RGSL1: variants seen among roughly 807,000 people sequenced by gnomAD.
RGSL1 encodes regulator of G protein signaling protein-like.
Under a neutral mutation model 124.7 loss-of-function variants are expected in RGSL1, and 97 were observed. The observed-to-expected ratio is 0.78, with a 90% CI of 0.66 to 0.92. The LOEUF (loss-of-function observed/expected upper bound fraction) is 0.92. Among genes scored for constraint, RGSL1 ranks in the 40% least tolerant of loss-of-function variants. RGSL1 has a pLI of 0.00. For missense variants in RGSL1, 1,233 were observed against 1,288.4 expected, an observed-to-expected ratio of 0.96 and a Z score of 0.66; for synonymous variants, 424 against 438.1, an observed-to-expected ratio of 0.97 and a Z score of 0.40.
chr1:182,489,002 C>G lies in RGSL1; in HGVS notation c.1517C>G (p.Ser506Cys). 1 of 1,550,950 alleles carries G rather than the reference C, an allele frequency of 6.4e-7. No individual in the cohort carries two copies. Among genetic ancestry groups the G allele is most frequent in the Non-Finnish European group, 8.7e-7 (1 of 1,146,984 alleles). ...LFTTQNRFIS[S>C]RQHKREFIGK... ...TAGACACAGAACAGGTTCATCAGCT[C>G]CAGACAGCATAAAAGAGAATTTATA... Residue 506 changes from serine to cysteine, a missense_variant, in exon 8 of 22, where the codon TCC becomes TGC. By Grantham distance (112) the Ser-to-Cys change is moderately radical (BLOSUM62 -1). Coordinates refer to ENST00000294854, the MANE Select transcript of RGSL1 (RefSeq NM_001137669.2).
chr1:182,498,166 CTCT>C (rs926340603), intron 9 of RGSL1, among the ~76,000 whole-genome samples: 3 of 151,962 alleles, frequency 2.0e-5, no homozygotes, highest in Non-Finnish European at 4.4e-5. Flanking sequence ...TTTATATGAA[CTCT>C]TTTTTTTATT....
chr1:182,489,935 T>A (rs1005941741), intron 8 of RGSL1, among the ~76,000 whole-genome samples: 1 of 152,210 alleles, frequency 6.6e-6, no homozygotes, highest in Non-Finnish European at 1.5e-5. Context: ...GCTTTAATTA[T>A]CTATGTTGAG....
chr1:182,467,845 A>G (rs1418421597), intron 4 of RGSL1, among the ~76,000 whole-genome samples: 1 of 152,238 alleles, frequency 6.6e-6, no homozygotes, highest in Non-Finnish European at 1.5e-5. Context: ...ACGGAATGGA[A>G]GAAAATTTTT....
chr1:182,554,487 G>C (rs981219753), intron 19 of RGSL1, 140 bp from the exon 20 acceptor site: 1 of 691,378 alleles, frequency 1.4e-6, no homozygotes, highest in Non-Finnish European at 2.6e-6. Flanking sequence ...GAACAGGCCT[G>C]CTTTACCTTC....
intron 9 of RGSL1, among the ~76,000 whole-genome samples, chr1:182,515,601 C>A (rs902118358): frequency 6.6e-6 from 1 of 150,842 alleles, no homozygotes; most frequent in Non-Finnish European, 1.5e-5. Context: ...TTGCTTTGAG[C>A]AAATGGGTTC....
intron 6 of RGSL1, among the ~76,000 whole-genome samples, chr1:182,476,237 G>C (rs1319648743): frequency 6.6e-6 from 1 of 152,196 alleles, no homozygotes; most frequent in African/African-American, 2.4e-5. Context: ...TTACGACAGA[G>C]ATTCAGACTG....
chr1:182,480,360 G>A lies in RGSL1; in HGVS notation c.1431+5818G>A, dbSNP rs151326151. ...GTAGGAGGATCACTTAAGCCCAGGAGTTCAAGGTTACAGTGACCTGTGATC... is the reference window on the plus strand; with the variant it reads ...GTAGGAGGATCACTTAAGCCCAGGAATTCAAGGTTACAGTGACCTGTGATC... On this transcript the variant is annotated intron_variant, in intron 6 of 21. Transcript: ENST00000294854. Among the ~76,000 whole-genome samples the A allele has an allele frequency of 5.3e-5, 8 of 152,208 alleles. No individual in the cohort carries two copies. The East Asian group carries it at 1.2e-3, about 22-fold the overall frequency.
chr1:182,459,093 G>T (rs1652590546), intron 3 of RGSL1, among the ~76,000 whole-genome samples: 1 of 152,108 alleles, frequency 6.6e-6, no homozygotes, highest in South Asian at 2.1e-4. Flanking sequence ...GTCTGCAATG[G>T]GTGTGGGATG....
intron 15 of RGSL1, 124 bp from the exon 16 acceptor site, chr1:182,548,193 G>C (rs536557892): frequency 3.1e-6 from 3 of 969,688 alleles, no homozygotes; most frequent in Non-Finnish European, 3.1e-6. Context: ...AATGAATAAA[G>C]TCACAACCTG....
At chr1:182,509,109 A>G (rs1657089745) in intron 9 of RGSL1, among the ~76,000 whole-genome samples, 1 of 58,588 alleles carries the variant, frequency 1.7e-5, no homozygotes, top group African/African-American at 6.2e-5. Context: ...CACGGCAACC[A>G]TCCGATTTCT....
intron 9 of RGSL1, among the ~76,000 whole-genome samples, chr1:182,520,543 G>A (rs973638447): frequency 6.6e-6 from 1 of 152,056 alleles, no homozygotes; most frequent in African/African-American, 2.4e-5. Context: ...GTTATAAACT[G>A]ACATTCCTGG....
rs747268917 is a variant in RGSL1, at chr1:182,460,017, A to G, written c.185A>G (p.Lys62Arg). The G allele has an allele frequency of 6.4e-7, 1 of 1,551,416 alleles. No individual in the cohort carries two copies. Among genetic ancestry groups the G allele is most frequent in the South Asian group, 1.2e-5 (1 of 83,990 alleles). ...CTTTGACTCTAGATTGCCAAATACA[A>G]AGGGTTATTGACCTGGTTGGAAAAA... ...EIPCNLIAKY[K>R]GLLTWLEKCR... Residue 62 changes from lysine to arginine, a missense_variant, in exon 4 of 22, where the codon AAA becomes AGA. Physicochemically the swap from Lys to Arg is conservative, Grantham distance 26. Coordinates refer to ENST00000294854, the MANE Select transcript of RGSL1 (RefSeq NM_001137669.2).
intron 9 of RGSL1, among the ~76,000 whole-genome samples, chr1:182,515,802 C>G (rs1398847055): frequency 6.6e-6 from 1 of 152,180 alleles, no homozygotes; most frequent in East Asian, 1.9e-4. Context: ...CAGACTCGCC[C>G]AGGTGCCCTA....
chr1:182,466,133 T>C (rs535576246), intron 4 of RGSL1, among the ~76,000 whole-genome samples: 1 of 149,356 alleles, frequency 6.7e-6, no homozygotes, highest in South Asian at 2.1e-4. Context: ...GAAAAAAAAA[T>C]GTCCAACGAA....
chr1:182,450,063 C>G (rs943902604), upstream of RGSL1: 17 of 1,365,996 alleles, frequency 1.2e-5, no homozygotes, highest in South Asian at 1.2e-4. Context: ...ATCTGGAACC[C>G]CTTAGAGAAG....
At chr1:182,535,600 A>G (rs147464717) in intron 14 of RGSL1, among the ~76,000 whole-genome samples, 6 of 152,154 alleles carry the variant, frequency 3.9e-5, no homozygotes, top group Admixed American at 1.3e-4. Flanking sequence ...GGATTACTCA[A>G]TCGGCACCAA....
In RGSL1 at chr1:182,473,609, C is replaced by A. The variant is rs761803004; in HGVS notation, c.498C>A (p.Asn166Lys). 1 of 1,549,534 alleles carries A rather than the reference C, an allele frequency of 6.5e-7. No homozygotes were observed. The highest frequency in any genetic ancestry group is 8.7e-7 in the Non-Finnish European group (1 of 1,145,944). The change falls in exon 6 of 22, where the codon AAC becomes AAA. Residue 166 changes from asparagine to lysine, a missense_variant. By Grantham distance (94) the Asn-to-Lys change is moderately conservative. Transcript: ENST00000294854. The stretch of plus-strand genomic sequence containing the variant: ...TGAACCTCTCCATCTGGCATCCCAA[C>A]CAATCAACCACTAGGAGGGAGATCC... The part of the protein sequence containing the change: ...SLLNLSIWHP[N>K]QSTTRREILS...
chr1:182,548,641 G>A, intron 16 of RGSL1, 59 bp from the exon 17 acceptor site: 1 of 1,543,580 alleles, frequency 6.5e-7, no homozygotes, highest in Non-Finnish European at 8.7e-7. Flanking sequence ...GGGGCCAGGA[G>A]AGGTTTTCTG....
intron 13 of RGSL1, 64 bp downstream of exon 13, chr1:182,530,974 T>A: frequency 6.7e-7 from 1 of 1,495,250 alleles, no homozygotes; most frequent in South Asian, 1.3e-5. Context: ...TGGGGGTAGG[T>A]TTTTAAATCC....
Sources: gnomAD v4.1 joint callset for allele counts (sites outside exome capture counted in the v4.1 genomes callset) on GRCh38, gnomAD v4.1.1 for gene constraint, MANE v1.5 for transcripts, NCBI Gene and HGNC (gene_info 2026-07-23, HGNC 2026-07-21) for gene names.